ALPK2: variants seen among roughly 807,000 people sequenced by gnomAD.
The protein encoded by ALPK2 is alpha kinase 2.
ALPK2 carries 127 observed loss-of-function variants against 163.1 expected under a neutral mutation model. That is an observed-to-expected ratio of 0.78 (90% confidence interval 0.67 to 0.90). ALPK2 has a LOEUF of 0.90. Among genes scored for constraint, ALPK2 ranks in the 40% least tolerant of loss-of-function variants. ALPK2 has a pLI of 0.00. For missense variants in ALPK2, 2,360 were observed against 2,589.6 expected, an observed-to-expected ratio of 0.91 and a Z score of 1.92; for synonymous variants, 953 against 959.1, an observed-to-expected ratio of 0.99 and a Z score of 0.12.
intron 1 of ALPK2, among the ~76,000 whole-genome samples, chr18:58,615,268 C>A (rs1372744726): frequency 6.6e-6 from 1 of 152,136 alleles, no homozygotes; most frequent in Non-Finnish European, 1.5e-5. Flanking sequence ...ATGACTACCC[C>A]ACTCTTCATA....
chr18:58,565,047 TG>T (rs2144180733), intron 4 of ALPK2, among the ~76,000 whole-genome samples: 1 of 152,316 alleles, frequency 6.6e-6, no homozygotes, highest in South Asian at 2.1e-4. Context: ...ATGGAATGGT[TG>T]GGGGGCATAA....
chr18:58,541,993 T>C (rs547622666), intron 4 of ALPK2, among the ~76,000 whole-genome samples: 233 of 152,368 alleles, frequency 1.5e-3, no homozygotes, highest in Non-Finnish European at 2.7e-3. Flanking sequence ...GCTGTGCACC[T>C]ATTCTCAGCA....
chr18:58,603,811 GAAA>G (rs36090140), intron 3 of ALPK2, among the ~76,000 whole-genome samples: 3 of 145,132 alleles, frequency 2.1e-5, no homozygotes, highest in African/African-American at 5.0e-5. Context: ...ACATCTTTTG[GAAA>G]AAAAAAAAAT....
At chr18:58,573,758 A>G (rs2051904129) in intron 4 of ALPK2, among the ~76,000 whole-genome samples, 1 of 151,918 alleles carries the variant, frequency 6.6e-6, no homozygotes, top group Non-Finnish European at 1.5e-5. Context: ...TTTTGTCCCA[A>G]GAAAGTCAGG....
intron 3 of ALPK2, among the ~76,000 whole-genome samples, chr18:58,607,003 C>T (rs1201761634): frequency 6.6e-6 from 1 of 152,224 alleles, no homozygotes; most frequent in Non-Finnish European, 1.5e-5. Flanking sequence ...TCCTATCACA[C>T]TTTCTTCACT....
At chr18:58,606,954 T>C (rs757197946) in intron 3 of ALPK2, among the ~76,000 whole-genome samples, 4 of 152,234 alleles carry the variant, frequency 2.6e-5, no homozygotes, top group Admixed American at 6.5e-5. Context: ...CCACTTCTCC[T>C]TCTTCCTACC....
intron 10 of ALPK2, among the ~76,000 whole-genome samples, 189 bp downstream of exon 10, chr18:58,514,801 ATAT>A (rs1189461966): frequency 6.7e-6 from 1 of 148,772 alleles, no homozygotes; most frequent in Non-Finnish European, 1.5e-5. Context: ...ATTAAATATA[ATAT>A]TATTATATTA....
chr18:58,559,022 T>C (rs1167376448), intron 4 of ALPK2, among the ~76,000 whole-genome samples: 1 of 152,230 alleles, frequency 6.6e-6, no homozygotes, highest in Non-Finnish European at 1.5e-5. Flanking sequence ...GTTGCACAAT[T>C]TGTGATTGTA....
intron 4 of ALPK2, among the ~76,000 whole-genome samples, chr18:58,543,672 C>A (rs1416859002): frequency 6.6e-6 from 1 of 152,152 alleles, no homozygotes; most frequent in Non-Finnish European, 1.5e-5. Context: ...ACTGTGCTTA[C>A]TTTAAAGAAG....
At chr18:58,560,114 G>A (rs1027650658) in intron 4 of ALPK2, among the ~76,000 whole-genome samples, 2 of 152,178 alleles carry the variant, frequency 1.3e-5, no homozygotes, top group Non-Finnish European at 2.9e-5. Flanking sequence ...ATTCCCACAT[G>A]TCATGGGAGG....
intron 12 of ALPK2, among the ~76,000 whole-genome samples, chr18:58,493,359 T>C (rs1220969971): frequency 2.0e-5 from 3 of 151,958 alleles, no homozygotes; most frequent in Non-Finnish European, 2.9e-5. Context: ...TCACCACTCA[T>C]GCACATAAGC....
chr18:58,524,004 C>T lies in ALPK2; in HGVS notation c.5560G>A (p.Gly1854Arg), dbSNP rs1444825687. Residue 1854 changes from glycine (G) to arginine (R), a missense_variant, in exon 7 of 13, where the codon GGA becomes AGA. Physicochemically the swap from Gly to Arg is moderately radical, Grantham distance 125 (BLOSUM62 -2). Transcript: ENST00000361673. ...TTCTTGATGCAGCAGTAATAGAGTCCCTGGTCCTTCGGACTGGCTTGCACG... is the reference window on the plus strand; with the variant it reads ...TTCTTGATGCAGCAGTAATAGAGTCTCTGGTCCTTCGGACTGGCTTGCACG... ...AIVQASPKDQ[G>R]LYYCCIKNSY... is the part of the protein sequence containing the mutation. 7.4e-6 allele frequency: 12 copies of T among 1,614,034 alleles called. No individual in the cohort carries two copies. Among genetic ancestry groups the T allele is most frequent in the Non-Finnish European group, 1.0e-5 (12 of 1,180,022 alleles).
intron 4 of ALPK2, among the ~76,000 whole-genome samples, chr18:58,575,041 C>A (rs1039846822): frequency 4.6e-5 from 7 of 151,904 alleles, no homozygotes; most frequent in African/African-American, 1.7e-4. Flanking sequence ...TGGAGAAACC[C>A]CATGTCTACT....
rs749006100 is a variant in ALPK2, at chr18:58,481,907, C to T, written c.6429G>A (p.Pro2143=). The part of the protein sequence containing the change: ...LQNNNQKQKQ[P]SIGKSKVQTN... Reference sequence around the variant, plus strand: ...TTTGAACTTTGCTTTTCCCAATGCTCGGCTGCTTCTGTTTCTGGTTGTTGT... The same window carrying T: ...TTTGAACTTTGCTTTTCCCAATGCTTGGCTGCTTCTGTTTCTGGTTGTTGT... Residue 2143 remains proline (P), a synonymous_variant, in exon 13 of 13, where the codon CCG becomes CCA. Transcript: ENST00000361673. 30 of 1,613,998 alleles carry T rather than the reference C, an allele frequency of 1.9e-5. No individual in the cohort carries two copies. The highest frequency in any genetic ancestry group is 1.5e-4 in the Admixed American group (9 of 59,992).
chr18:58,514,899 G>T, intron 10 of ALPK2, 94 bp downstream of exon 10: 1 of 886,204 alleles, frequency 1.1e-6, no homozygotes, highest in Non-Finnish European at 1.7e-6. Context: ...GAGATCAGCT[G>T]AAACACTTGC....
Position 58,516,910 on chromosome 18 carries a change from G to A in ALPK2, c.5938C>T (p.Gln1980Ter). Reference sequence around the variant, plus strand: ...AGCCTTTGGGCAGATGGACCCACCTGGGCAGCGAGTTTGTAGTTCCTTTGG... The same window carrying A: ...AGCCTTTGGGCAGATGGACCCACCTAGGCAGCGAGTTTGTAGTTCCTTTGG... ...LIQRNYKLAA[Q>*]ECYVQNTARY... The change falls in exon 9 of 13, where the codon CAG (glutamine) becomes TAG (stop). Residue 1980 changes from glutamine to a stop codon, truncating the protein, a stop_gained and splice_region_variant. Coordinates refer to ENST00000361673, the MANE Select transcript of ALPK2 (RefSeq NM_052947.4). LOFTEE classifies it high-confidence loss of function. 6.2e-7 allele frequency: 1 copy of A among 1,612,668 alleles called. No individual in the cohort carries two copies. Among genetic ancestry groups the A allele is most frequent in the Non-Finnish European group, 8.5e-7 (1 of 1,178,884 alleles).
chr18:58,515,069 GA>G lies in ALPK2; in HGVS notation c.5952del (p.Gln1985LysfsTer49). On this transcript the variant is annotated frameshift_variant, in exon 10 of 13. Transcript: ENST00000361673. ...NYKLAAQECY[V>X]QNTARYYAKI... ...TTGGCATAATACCTGGCAGTATTTT[GA>G]ACATAGCATTCCTATATCGCCAAAA... 6.2e-7 allele frequency: 1 copy of G among 1,611,470 alleles called. No homozygotes were observed. Among genetic ancestry groups the G allele is most frequent in the Non-Finnish European group, 8.5e-7 (1 of 1,178,654 alleles).
intron 3 of ALPK2, among the ~76,000 whole-genome samples, chr18:58,583,118 C>G (rs1338812352): frequency 6.6e-6 from 1 of 152,080 alleles, no homozygotes; most frequent in African/African-American, 2.4e-5. Context: ...CTTTGCAGGG[C>G]CATTTAAAAA....
At chr18:58,482,543 G>A (rs2051316950) in intron 12 of ALPK2, among the ~76,000 whole-genome samples, 1 of 152,188 alleles carries the variant, frequency 6.6e-6, no homozygotes, top group Non-Finnish European at 1.5e-5. Context: ...AACAACGCAA[G>A]TTGATGTAAG....
Sources: gnomAD v4.1 joint callset for allele counts (sites outside exome capture counted in the v4.1 genomes callset) on GRCh38, gnomAD v4.1.1 for gene constraint, MANE v1.5 for transcripts, NCBI Gene and HGNC (gene_info 2026-07-23, HGNC 2026-07-21) for gene names.